Variants in LRP1B observed in about 807,000 individuals in gnomAD.
The protein encoded by LRP1B is low-density lipoprotein receptor-related protein 1B.
A neutral mutation model predicts 556.6 loss-of-function variants in LRP1B; 217 were observed. The ratio of observed to expected loss-of-function variants is 0.39; its 90% CI spans 0.35 to 0.44. The LOEUF (loss-of-function observed/expected upper bound fraction) is 0.44. Among genes scored for constraint, LRP1B ranks in the 20% least tolerant of loss-of-function variants. The pLI, the probability that LRP1B is intolerant of heterozygous loss-of-function variation, is 1.00. For synonymous variants in LRP1B, 2,047 were observed against 1,865.8 expected (o/e 1.10, Z -2.50); for missense variants, 5,053 against 5,620.8 (o/e 0.90, Z 3.23).
chr2:141,079,537 A>C (rs1445597098), intron 7 of LRP1B, among the ~76,000 whole-genome samples: 7 of 152,236 alleles, frequency 4.6e-5, no homozygotes, highest in Non-Finnish European at 1.0e-4. Flanking sequence ...ATATTTGAGC[A>C]CACTATAATA....
At chr2:141,983,997 G>T (rs1702115858) in intron 1 of LRP1B, among the ~76,000 whole-genome samples, 1 of 152,100 alleles carries the variant, frequency 6.6e-6, no homozygotes, top group African/African-American at 2.4e-5. Flanking sequence ...GGAGGTGGAG[G>T]TTGCAGTGAA....
intron 37 of LRP1B, among the ~76,000 whole-genome samples, chr2:140,705,700 A>AAAAAAAT (rs1559066886): frequency 1.3e-5 from 2 of 151,696 alleles, no homozygotes; most frequent in African/African-American, 4.8e-5. Context: ...TGTAAAAAAA[A>AAAAAAAT]ATGCATAAAA....
chr2:141,502,498 G>A (rs1384484816), intron 2 of LRP1B, among the ~76,000 whole-genome samples: 1 of 152,132 alleles, frequency 6.6e-6, no homozygotes, highest in South Asian at 2.1e-4. Context: ...GGAATAGATA[G>A]ATAGTTGAAG....
At chr2:141,105,430 A>C (rs568190736) in intron 7 of LRP1B, among the ~76,000 whole-genome samples, 1 of 152,206 alleles carries the variant, frequency 6.6e-6, no homozygotes, top group East Asian at 1.9e-4. Flanking sequence ...TTATTGACTG[A>C]CTTTTTAAAG....
intron 18 of LRP1B, 78 bp from the exon 19 acceptor site, chr2:140,952,018 T>A: frequency 1.0e-6 from 1 of 989,358 alleles, no homozygotes; most frequent in Non-Finnish European, 1.6e-6. Flanking sequence ...TCTGATAATG[T>A]GATCAGAACT....
intron 7 of LRP1B, among the ~76,000 whole-genome samples, chr2:141,135,683 A>G (rs1701474616): frequency 6.6e-6 from 1 of 151,980 alleles, no homozygotes; most frequent in Admixed American, 6.6e-5. Flanking sequence ...TTTGAAAGAC[A>G]TGATTTGATC....
intron 7 of LRP1B, among the ~76,000 whole-genome samples, chr2:141,139,059 T>C (rs1195798982): frequency 1.3e-5 from 2 of 151,924 alleles, no homozygotes; most frequent in Non-Finnish European, 2.9e-5. Flanking sequence ...AATGAATAGC[T>C]TATTTGTGGC....
intron 66 of LRP1B, among the ~76,000 whole-genome samples, chr2:140,426,231 T>A (rs1165842719): frequency 6.6e-6 from 1 of 152,180 alleles, no homozygotes; most frequent in African/African-American, 2.4e-5. Context: ...AATGACATAT[T>A]CCCAATATTA....
At chr2:140,544,525 C>T (rs905568392) in intron 43 of LRP1B, among the ~76,000 whole-genome samples, 1 of 152,026 alleles carries the variant, frequency 6.6e-6, no homozygotes, top group African/African-American at 2.4e-5. Flanking sequence ...TCTATATGTC[C>T]ACGTGTTCTC....
rs756637718 is a variant in LRP1B, at chr2:140,850,221, T to C, written c.4820A>G (p.Asp1607Gly). The C allele has an allele frequency of 1.2e-6, 2 of 1,612,786 alleles. No homozygotes were observed. The highest frequency in any genetic ancestry group is 8.5e-7 in the Non-Finnish European group (1 of 1,178,962). ...ITAFTVPDIDDVTVIDFDASE... is the reference protein window; with the variant it reads ...ITAFTVPDIDGVTVIDFDASE... The stretch of plus-strand genomic sequence containing the variant: ...TGCATCGAAGTCTATCACAGTAACG[T>C]CATCAATATCAGGGACTGTAAATGC... The change falls in exon 29 of 91, where the codon GAC becomes GGC. Residue 1607 changes from aspartate (D) to glycine (G), a missense_variant. By Grantham distance (94) the Asp-to-Gly change is moderately conservative (BLOSUM62 -1). This residue lies in a region of LRP1B where 3,619 missense variants were observed against 3,931.9 expected (regional missense o/e 0.92). Transcript: ENST00000389484.
chr2:141,786,878 C>T (rs1000514456), intron 2 of LRP1B, among the ~76,000 whole-genome samples: 2 of 151,926 alleles, frequency 1.3e-5, no homozygotes, highest in African/African-American at 2.4e-5. Flanking sequence ...CAAATGCCTT[C>T]GCTGCATACA....
chr2:141,930,345 T>A (rs1016837035), intron 1 of LRP1B, among the ~76,000 whole-genome samples: 2 of 152,038 alleles, frequency 1.3e-5, no homozygotes, highest in Non-Finnish European at 2.9e-5. Context: ...AAACAAAACT[T>A]GACATTTTAA....
chr2:141,601,475 T>C (rs940337999), intron 2 of LRP1B, among the ~76,000 whole-genome samples: 19 of 152,156 alleles, frequency 1.2e-4, no homozygotes, highest in Non-Finnish European at 4.4e-5. Context: ...TCAGGTGACT[T>C]TTAGACCACA....
At chr2:142,024,410 C>T (rs532579228) in intron 1 of LRP1B, among the ~76,000 whole-genome samples, 1 of 152,278 alleles carries the variant, frequency 6.6e-6, no homozygotes, top group Non-Finnish European at 1.5e-5. Context: ...TGGAGTTTCT[C>T]ATTCAGTAGC....
chr2:141,157,905 G>C (rs373152037), intron 7 of LRP1B, among the ~76,000 whole-genome samples: 1 of 152,084 alleles, frequency 6.6e-6, no homozygotes, highest in East Asian at 1.9e-4. Flanking sequence ...AACCATAATA[G>C]TTATTGAAGT....
chr2:140,768,281 C>T (rs766090382), intron 35 of LRP1B, among the ~76,000 whole-genome samples: 2 of 151,670 alleles, frequency 1.3e-5, no homozygotes, highest in South Asian at 2.1e-4. Context: ...TAGAACTGTA[C>T]CAGAAGCCCA....
At chr2:141,985,733 A>C (rs893596776) in intron 1 of LRP1B, among the ~76,000 whole-genome samples, 1 of 151,872 alleles carries the variant, frequency 6.6e-6, no homozygotes, top group East Asian at 1.9e-4. Flanking sequence ...AATTCATTAG[A>C]TGCTGCCAAT....
chr2:141,561,749 A>T (rs1686160840), intron 2 of LRP1B, among the ~76,000 whole-genome samples: 1 of 152,028 alleles, frequency 6.6e-6, no homozygotes, highest in Admixed American at 6.6e-5. Context: ...TATAGTACAA[A>T]GACAACCTCT....
At chr2:141,772,527 A>G (rs1055743059) in intron 2 of LRP1B, among the ~76,000 whole-genome samples, 1 of 152,182 alleles carries the variant, frequency 6.6e-6, no homozygotes, top group Non-Finnish European at 1.5e-5. Flanking sequence ...CCAGTGAATC[A>G]GTAACTCTGG....
Sources: allele counts gnomAD v4.1 joint callset (sites outside exome capture counted in the v4.1 genomes callset), GRCh38; gene constraint gnomAD v4.1.1; regional missense constraint gnomAD v4.1.1; transcripts MANE v1.5; gene names NCBI Gene and HGNC (gene_info 2026-07-23, HGNC 2026-07-21).